AKAP12: variants seen among roughly 807,000 people sequenced by gnomAD.
AKAP12 encodes A-kinase anchor protein 12.
In AKAP12, 32 loss-of-function variants were observed where a neutral mutation model predicts 79.9. The ratio of observed to expected loss-of-function variants is 0.40; its 90% CI spans 0.30 to 0.54. AKAP12 has a LOEUF of 0.54. Among genes scored for constraint, AKAP12 ranks in the 20% least tolerant of loss-of-function variants. AKAP12 has a pLI of 0.48. For synonymous variants in AKAP12, 808 were observed against 857.0 expected (o/e 0.94, Z 1.00); for missense variants, 2,074 against 2,177.0 (o/e 0.95, Z 0.94).
chr6:151,260,836 AC>A (rs904259737), intron 2 of AKAP12, among the ~76,000 whole-genome samples: 1 of 151,944 alleles, frequency 6.6e-6, no homozygotes, highest in African/African-American at 2.4e-5. Context: ...TACTAAAAAT[AC>A]AAAAATTAGC....
intron 2 of AKAP12, among the ~76,000 whole-genome samples, chr6:151,249,634 T>A (rs150850490): frequency 5.3e-5 from 8 of 152,264 alleles, no homozygotes; most frequent in African/African-American, 1.9e-4. Flanking sequence ...AGGAGAAATC[T>A]TAAATTCATT....
chr6:151,303,086 G>A (rs112994945), intron 2 of AKAP12, among the ~76,000 whole-genome samples: 15 of 152,190 alleles, frequency 9.9e-5, no homozygotes, highest in African/African-American at 2.6e-4. Context: ...CCAGCTACTC[G>A]GGAGGCTGAG....
intron 2 of AKAP12, among the ~76,000 whole-genome samples, chr6:151,247,491 A>T (rs1441789337): frequency 6.6e-6 from 1 of 152,116 alleles, no homozygotes; most frequent in East Asian, 1.9e-4. Flanking sequence ...AAGAATAAAA[A>T]CGCAGCTGAG....
At chr6:151,346,971 T>G (rs967732381) in intron 3 of AKAP12, among the ~76,000 whole-genome samples, 1 of 152,246 alleles carries the variant, frequency 6.6e-6, no homozygotes, top group Non-Finnish European at 1.5e-5. Flanking sequence ...GATTCTTTTT[T>G]TATTCAATGT....
rs900578096 is a variant in AKAP12 at position 151,282,056 on chromosome 6, C to A, written c.163-23691C>A. Among the ~76,000 whole-genome samples, 5 of 151,934 alleles carry A rather than the reference C, an allele frequency of 3.3e-5. No individual in the cohort carries two copies. In the East Asian group the frequency reaches 7.9e-4, roughly 24 times the overall value. ...AGGAGCGGGCTGTCCTCTTCCCCCT[C>A]CTGTTCCCGCTCTCAGCTGCCCATA... is the stretch of plus-strand genomic sequence containing the variant. On this transcript the variant is annotated intron_variant, in intron 2 of 4. Coordinates refer to ENST00000402676, the MANE Select transcript of AKAP12 (RefSeq NM_005100.4).
chr6:151,315,612 A>G (rs368985366), intron 3 of AKAP12, among the ~76,000 whole-genome samples: 14 of 152,316 alleles, frequency 9.2e-5, no homozygotes, highest in African/African-American at 3.1e-4. Context: ...GTGTAAAACA[A>G]TTTCAGTGTC....
chr6:151,345,279 G>A (rs949893497), intron 3 of AKAP12, among the ~76,000 whole-genome samples: 1 of 151,096 alleles, frequency 6.6e-6, no homozygotes, highest in African/African-American at 2.4e-5. Flanking sequence ...GTTTCACCGT[G>A]TTAGCCAGGA....
chr6:151,240,438 G>T lies in AKAP12; in HGVS notation c.-125G>T, dbSNP rs1342867708. ...CGCAGGCTGGGCGCGTTCGCAGTCG[G>T]CTGGCGGCGAAGGAAGGCGCTCTCG... On this transcript the variant is annotated 5_prime_UTR_variant, in exon 2 of 5. Coordinates refer to ENST00000402676, the MANE Select transcript of AKAP12 (RefSeq NM_005100.4). The T allele has an allele frequency of 5.7e-5, 62 of 1,085,938 alleles. No individual in the cohort carries two copies. In the African/African-American group the frequency reaches 9.5e-4, roughly 17 times the overall value. 67.3% of individuals were successfully genotyped at this position (1,085,938 alleles called of 1,614,324 possible).
intron 2 of AKAP12, among the ~76,000 whole-genome samples, chr6:151,288,232 T>C (rs1312492249): frequency 2.0e-5 from 3 of 149,994 alleles, no homozygotes; most frequent in Non-Finnish European, 4.4e-5. Flanking sequence ...AAAAGAATTA[T>C]GGCTGGGTGC....
At position 151,349,591 on chromosome 6, in the gene AKAP12, G is replaced by A. The variant is rs9478197; in HGVS notation, c.1200G>A (p.Ala400=). Residue 400 remains alanine, a synonymous_variant, in exon 4 of 5, where the codon GCG becomes GCA. Coordinates refer to ENST00000402676, the MANE Select transcript of AKAP12 (RefSeq NM_005100.4). ...GPSEEKPAPL[A]TEVFDEKIEV... is the part of the protein sequence containing the mutation. ...CTGAAGAGAAACCTGCTCCGTTGGC[G>A]ACAGAAGTGTTTGATGAGAAAATAG... is the stretch of plus-strand genomic sequence containing the variant. The A allele has an allele frequency of 0.01, 16,776 of 1,611,580 alleles. 162 individuals are homozygous for A. The highest frequency in any genetic ancestry group is 0.027 in the South Asian group (2,472 of 91,020).
rs750541234 is a variant in AKAP12 at position 151,350,080 on chromosome 6, C to G, written c.1689C>G (p.Gly563=). 2 of 1,613,866 alleles carry G rather than the reference C, an allele frequency of 1.2e-6. No individual in the cohort carries two copies. The highest frequency in any genetic ancestry group is 1.7e-6 in the Non-Finnish European group (2 of 1,180,010). ...CGGACAGCCAGGAGGAGCAAAAGGGCGAGAGCTCTGCCTCATCCCCTGAGG... is the reference window on the plus strand; with the variant it reads ...CGGACAGCCAGGAGGAGCAAAAGGGGGAGAGCTCTGCCTCATCCCCTGAGG... ...DSPDSQEEQK[G]ESSASSPEEP... The change falls in exon 4 of 5, where the codon GGC becomes GGG. Residue 563 remains glycine, a synonymous_variant. Transcript: ENST00000402676. The surrounding 1 kb of genome is among the most constrained non-coding windows in gnomAD (Gnocchi z 4.8).
chr6:151,255,908 T>G (rs1797284015), intron 2 of AKAP12, among the ~76,000 whole-genome samples: 1 of 152,214 alleles, frequency 6.6e-6, no homozygotes, highest in African/African-American at 2.4e-5. Flanking sequence ...CTTGGGGTCT[T>G]TCTTTGCTGC....
chr6:151,255,256 C>G (rs980223327), intron 2 of AKAP12, among the ~76,000 whole-genome samples: 2 of 151,902 alleles, frequency 1.3e-5, no homozygotes, highest in Admixed American at 1.3e-4. Context: ...ACCTCTGCCT[C>G]CCGGGTTCAA....
intron 3 of AKAP12, chr6:151,325,682 C>T (rs1777505187): frequency 2.1e-6 from 3 of 1,430,130 alleles, no homozygotes; most frequent in Middle Eastern, 2.1e-4. Flanking sequence ...CTCTGCTTTT[C>T]GCTGCGGCAG....
chr6:151,321,307 T>A (rs900988870), intron 3 of AKAP12, among the ~76,000 whole-genome samples: 12 of 152,174 alleles, frequency 7.9e-5, no homozygotes, highest in Middle Eastern at 3.4e-3. Context: ...CATTACCTCA[T>A]AAAGAAACTC....
chr6:151,253,054 A>G (rs1240931928), intron 2 of AKAP12, among the ~76,000 whole-genome samples: 2 of 152,136 alleles, frequency 1.3e-5, no homozygotes, highest in Admixed American at 6.5e-5. Flanking sequence ...GTCTGAGCCT[A>G]TGATTTTTTT....
intron 2 of AKAP12, among the ~76,000 whole-genome samples, chr6:151,283,935 A>G (rs1307059459): frequency 6.6e-6 from 1 of 152,196 alleles, no homozygotes; most frequent in East Asian, 1.9e-4. Flanking sequence ...TGGACACAGC[A>G]GCAGCCTTCC....
At chr6:151,284,900 G>A (rs536581137) in intron 2 of AKAP12, among the ~76,000 whole-genome samples, 1 of 152,186 alleles carries the variant, frequency 6.6e-6, no homozygotes, top group East Asian at 1.9e-4. Context: ...GTTGACTAAC[G>A]CATGGGGACC....
intron 3 of AKAP12, among the ~76,000 whole-genome samples, chr6:151,322,214 C>G (rs1406240728): frequency 6.6e-6 from 1 of 151,794 alleles, no homozygotes; most frequent in Non-Finnish European, 1.5e-5. Context: ...AACCTGTTGT[C>G]TTTTTTCTTT....
Sources: allele counts gnomAD v4.1 joint callset (sites outside exome capture counted in the v4.1 genomes callset), GRCh38; gene constraint gnomAD v4.1.1; non-coding constraint Gnocchi (gnomAD v3.1); transcripts MANE v1.5; gene names NCBI Gene and HGNC (gene_info 2026-07-23, HGNC 2026-07-21).